ACTR3: variants seen among roughly 807,000 people sequenced by gnomAD.
The protein encoded by ACTR3 is actin related protein 3.
ACTR3 carries 12 observed loss-of-function variants against 56.8 expected under a neutral mutation model. The observed-to-expected ratio is 0.21, with a 90% confidence interval of 0.14 to 0.34. The LOEUF (loss-of-function observed/expected upper bound fraction) is 0.34. ACTR3 is among the 10% of genes least tolerant of loss of function. The pLI is 1.00. For missense variants in ACTR3, 282 were observed against 512.5 expected, an observed-to-expected ratio of 0.55 and a Z score of 4.34; for synonymous variants, 162 against 167.4, an observed-to-expected ratio of 0.97 and a Z score of 0.25.
chr2:113,896,798 C>G (rs1574347698), intron 1 of ACTR3, among the ~76,000 whole-genome samples: 1 of 152,164 alleles, frequency 6.6e-6, no homozygotes, highest in South Asian at 2.1e-4. Context: ...GATCGCTATG[C>G]TGACAATCTT....
At chr2:113,936,044 G>A (rs1679818900) in intron 6 of ACTR3, among the ~76,000 whole-genome samples, 1 of 152,158 alleles carries the variant, frequency 6.6e-6, no homozygotes. Flanking sequence ...TGTAATCCCA[G>A]CACTTTGGGA....
At chr2:113,948,039 T>C (rs1471046074) in intron 8 of ACTR3, among the ~76,000 whole-genome samples, 2 of 152,222 alleles carry the variant, frequency 1.3e-5, no homozygotes, top group Non-Finnish European at 2.9e-5. Context: ...TTTCTTTCTC[T>C]TGTTTTGTAT....
intron 1 of ACTR3, among the ~76,000 whole-genome samples, chr2:113,891,839 T>C (rs976202756): frequency 5.9e-5 from 9 of 152,148 alleles, no homozygotes; most frequent in African/African-American, 2.2e-4. Flanking sequence ...TGATGAACAC[T>C]TTATTTAAAA....
intron 1 of ACTR3, among the ~76,000 whole-genome samples, chr2:113,892,550 A>G (rs994942824): frequency 2.0e-5 from 3 of 152,164 alleles, no homozygotes; most frequent in Non-Finnish European, 2.9e-5. Context: ...TTACACCTTC[A>G]GCTTTATTTG....
chr2:113,920,289 C>T (rs1383753038), intron 3 of ACTR3, among the ~76,000 whole-genome samples: 1 of 152,122 alleles, frequency 6.6e-6, no homozygotes, highest in African/African-American at 2.4e-5. Context: ...AACTCCTGGG[C>T]TCAAGTGACC....
chr2:113,939,102 C>T (rs1679879999), intron 6 of ACTR3, among the ~76,000 whole-genome samples: 1 of 151,682 alleles, frequency 6.6e-6, no homozygotes, highest in African/African-American at 2.4e-5. Context: ...CGACTCACTG[C>T]AAGCTCCGCC....
At chr2:113,916,478 G>A (rs1679407416) in intron 2 of ACTR3, among the ~76,000 whole-genome samples, 1 of 152,142 alleles carries the variant, frequency 6.6e-6, no homozygotes. Context: ...GAGATGTAAA[G>A]AAAGTTTAAA....
upstream of ACTR3, chr2:113,889,984 G>A: frequency 3.8e-6 from 2 of 532,930 alleles, no homozygotes; most frequent in Non-Finnish European, 6.6e-6. Flanking sequence ...GGGAAAGGCG[G>A]CGTGAGGGGA....
At chr2:113,898,313 C>T (rs1014364107) in intron 1 of ACTR3, among the ~76,000 whole-genome samples, 4 of 151,886 alleles carry the variant, frequency 2.6e-5, no homozygotes, top group Non-Finnish European at 5.9e-5. Flanking sequence ...AATTATAGAG[C>T]TGAAAAGGGA....
chr2:113,905,514 C>T (rs577310563), intron 1 of ACTR3, among the ~76,000 whole-genome samples: 1 of 151,474 alleles, frequency 6.6e-6, no homozygotes, highest in South Asian at 2.1e-4. Flanking sequence ...ATAAAGTTTA[C>T]TGTTTAACTA....
At chr2:113,922,891 A>G (rs1015853378) in intron 3 of ACTR3, among the ~76,000 whole-genome samples, 1 of 152,206 alleles carries the variant, frequency 6.6e-6, no homozygotes, top group Non-Finnish European at 1.5e-5. Flanking sequence ...ATGCTAGAAT[A>G]ATAAGAGGTT....
At chr2:113,953,267 A>T (rs1198067426) in intron 10 of ACTR3, 2 of 152,218 alleles carry the variant, frequency 1.3e-5, no homozygotes, top group African/African-American at 4.8e-5. Flanking sequence ...CGACATATTG[A>T]AAGAAACAGA....
At chr2:113,945,201 A>G (rs766904970) in intron 8 of ACTR3, among the ~76,000 whole-genome samples, 2 of 152,204 alleles carry the variant, frequency 1.3e-5, no homozygotes, top group African/African-American at 2.4e-5. Flanking sequence ...ATCAAAACAT[A>G]AAGATTAAGA....
chr2:113,907,701 G>A (rs1162338911), intron 1 of ACTR3, among the ~76,000 whole-genome samples: 2 of 151,906 alleles, frequency 1.3e-5, no homozygotes, highest in Admixed American at 1.3e-4. Flanking sequence ...GGCCACGCAC[G>A]GTGGCTCACA....
chr2:113,917,503 T>C (rs935017322), intron 3 of ACTR3, among the ~76,000 whole-genome samples: 8 of 152,204 alleles, frequency 5.3e-5, no homozygotes, highest in Non-Finnish European at 8.8e-5. Context: ...TTTATGACTG[T>C]AATCATAACA....
rs1559448662 is a variant in ACTR3, at chr2:113,890,246, A to ACGGCGGCAG, written c.-32_-24dup. ...TCTGGCCCCTAGCAGCACGGAGCAG[A>ACGGCGGCAG]CGGCGGCAGCAGCAGCAGCAGGCGA... On this transcript the variant is annotated 5_prime_UTR_variant, in exon 1 of 12. Coordinates refer to ENST00000263238, the MANE Select transcript of ACTR3 (RefSeq NM_005721.5). The ACGGCGGCAG allele has an allele frequency of 1.3e-6, 2 of 1,550,314 alleles. No homozygotes were observed. The highest frequency in any genetic ancestry group is 1.7e-6 in the Non-Finnish European group (2 of 1,146,492).
At chr2:113,908,371 T>C (rs1403189144) in intron 1 of ACTR3, among the ~76,000 whole-genome samples, 1 of 151,784 alleles carries the variant, frequency 6.6e-6, no homozygotes, top group Non-Finnish European at 1.5e-5. Flanking sequence ...TTAAGGATAA[T>C]ATGTAGTTAT....
At chr2:113,890,367 AAGGAAGATGGCGGGGGAGGG>A in intron 1 of ACTR3, 44 bp downstream of exon 1, 1 of 1,313,990 alleles carries the variant, frequency 7.6e-7, no homozygotes, top group Non-Finnish European at 1.0e-6. Flanking sequence ...GAGGCGGAGG[AAGGAAGATGGCGGGGGAGGG>A]AGGAGGCCGG....
chr2:113,949,051 C>T (rs72952576), intron 8 of ACTR3, among the ~76,000 whole-genome samples: 12,331 of 99,964 alleles, frequency 0.12, 575 homozygotes, highest in East Asian at 0.28. Context: ...TCATTGTATG[C>T]GCAGCCTGTA....
Sources: gnomAD v4.1 joint callset for allele counts (sites outside exome capture counted in the v4.1 genomes callset) on GRCh38, gnomAD v4.1.1 for gene constraint, MANE v1.5 for transcripts, NCBI Gene and HGNC (gene_info 2026-07-23, HGNC 2026-07-21) for gene names.